The following TMEM132D variants were observed in gnomAD, a reference collection of about 807,000 sequenced individuals.
TMEM132D encodes mature OL transmembrane protein.
A neutral mutation model predicts 62.3 loss-of-function variants in TMEM132D; 21 were observed. That is an observed-to-expected ratio of 0.34 (90% CI 0.24 to 0.49). The LOEUF is 0.49. TMEM132D is among the 20% of genes least tolerant of loss of function. TMEM132D has a pLI of 0.99. For missense variants in TMEM132D, 1,346 were observed against 1,402.8 expected (o/e 0.96, Z 0.65); for synonymous variants, 621 against 575.6 (o/e 1.08, Z -1.13).
At chr12:129,308,027 G>C (rs946314601) in intron 4 of TMEM132D, among the ~76,000 whole-genome samples, 1 of 151,860 alleles carries the variant, frequency 6.6e-6, no homozygotes, top group South Asian at 2.1e-4. Context: ...TCTCTCCTTC[G>C]AGCTTCCAAG....
intron 1 of TMEM132D, among the ~76,000 whole-genome samples, chr12:129,743,335 T>C (rs986534150): frequency 2.0e-5 from 3 of 152,204 alleles, no homozygotes. Context: ...AATTTAATCA[T>C]AGTGGCAGTT....
At chr12:129,584,691 G>A (rs548325996) in intron 2 of TMEM132D, among the ~76,000 whole-genome samples, 31 of 152,328 alleles carry the variant, frequency 2.0e-4, no homozygotes, top group African/African-American at 7.5e-4. Flanking sequence ...GGCTCCACAG[G>A]GCTTGGCTTC....
chr12:129,210,001 G>A (rs1376252705), intron 4 of TMEM132D: 2 of 232,448 alleles, frequency 8.6e-6, no homozygotes, highest in African/African-American at 4.5e-5. Flanking sequence ...AATCCTCATA[G>A]CATCCTGATA....
intron 3 of TMEM132D, among the ~76,000 whole-genome samples, chr12:129,413,374 CTA>C (rs1186023688): frequency 6.6e-6 from 1 of 152,166 alleles, no homozygotes; most frequent in East Asian, 1.9e-4. Context: ...TTGCCTTCTG[CTA>C]TGATTGTGAG....
chr12:129,426,786 C>T (rs921633801), intron 3 of TMEM132D, among the ~76,000 whole-genome samples: 2 of 152,200 alleles, frequency 1.3e-5, no homozygotes, highest in African/African-American at 2.4e-5. Flanking sequence ...AAGAGGAAAA[C>T]CGAGGCACAG....
intron 3 of TMEM132D, among the ~76,000 whole-genome samples, chr12:129,385,622 G>T (rs1871088362): frequency 6.6e-6 from 1 of 152,160 alleles, no homozygotes; most frequent in Non-Finnish European, 1.5e-5. Context: ...GCAAGAATTA[G>T]TTGAAAACAC....
chr12:129,179,206 T>A (rs1187765164), intron 5 of TMEM132D, among the ~76,000 whole-genome samples: 1 of 152,170 alleles, frequency 6.6e-6, no homozygotes, highest in Admixed American at 6.5e-5. Flanking sequence ...AGAAATGGGA[T>A]GGGCAAGGGG....
At chr12:129,531,933 G>A (rs1020702662) in intron 2 of TMEM132D, among the ~76,000 whole-genome samples, 1 of 152,152 alleles carries the variant, frequency 6.6e-6, no homozygotes, top group African/African-American at 2.4e-5. Context: ...GTGTGCCCCT[G>A]TAGTCCTAGC....
intron 1 of TMEM132D, among the ~76,000 whole-genome samples, chr12:129,862,456 G>C (rs1182924706): frequency 6.6e-6 from 1 of 152,210 alleles, no homozygotes; most frequent in Non-Finnish European, 1.5e-5. Flanking sequence ...TCTCTGCACA[G>C]AGCAAACCTG....
chr12:129,401,215 T>C lies in TMEM132D; in HGVS notation c.1116-63398A>G, dbSNP rs116067733. ...ATTCTGCAGATACCCTCAGAGCAGG[T>C]GTTTACATAAACGCAACAGTTACAG... On this transcript the variant is annotated intron_variant, in intron 3 of 8. Transcript: ENST00000422113. 2.8e-3 allele frequency among the ~76,000 whole-genome samples: 434 copies of C among 152,346 alleles called. 1 individual carries two copies. The highest frequency in any genetic ancestry group is 1.0e-2 in the African/African-American group (415 of 41,576).
intron 3 of TMEM132D, among the ~76,000 whole-genome samples, chr12:129,489,229 T>C (rs1432570811): frequency 1.3e-5 from 2 of 152,346 alleles, no homozygotes; most frequent in East Asian, 3.9e-4. Flanking sequence ...CTCTTTTTTC[T>C]CTGTGTCACA....
Position 129,113,784 on chromosome 12 carries a change from C to T in TMEM132D, c.1444-29082G>A, listed in dbSNP as rs142517632. Among the ~76,000 whole-genome samples, 710 of 151,682 alleles carry T rather than the reference C, an allele frequency of 4.7e-3. 1 individual carries two copies. Among genetic ancestry groups the T allele is most frequent in the Non-Finnish European group, 8.1e-3 (550 of 67,890 alleles). On this transcript the variant is annotated intron_variant, in intron 5 of 8. Coordinates refer to ENST00000422113, the MANE Select transcript of TMEM132D (RefSeq NM_133448.3). ...GTGGGAAAGGGCCGGGCTGGGTGGTCTCTGTAGAAGGAGAGCAATACATGG... is the reference window on the plus strand; with the variant it reads ...GTGGGAAAGGGCCGGGCTGGGTGGTTTCTGTAGAAGGAGAGCAATACATGG...
chr12:129,263,432 G>A (rs1022710249), intron 4 of TMEM132D, among the ~76,000 whole-genome samples: 1 of 152,098 alleles, frequency 6.6e-6, no homozygotes, highest in Non-Finnish European at 1.5e-5. Context: ...TATAAAGAAG[G>A]CAAAGAGTTT....
At chr12:129,268,056 T>C (rs1386507264) in intron 4 of TMEM132D, among the ~76,000 whole-genome samples, 1 of 152,156 alleles carries the variant, frequency 6.6e-6, no homozygotes, top group East Asian at 1.9e-4. Flanking sequence ...AAGACTTACA[T>C]GTTAGACCTA....
intron 3 of TMEM132D, among the ~76,000 whole-genome samples, chr12:129,445,577 G>A (rs1241801637): frequency 6.6e-6 from 1 of 152,122 alleles, no homozygotes; most frequent in Non-Finnish European, 1.5e-5. Context: ...GGGAGATGAA[G>A]GAGAGAGGTG....
chr12:129,332,131 A>T (rs934944989), intron 4 of TMEM132D, among the ~76,000 whole-genome samples: 8 of 152,242 alleles, frequency 5.3e-5, no homozygotes, highest in Non-Finnish European at 1.2e-4. Context: ...GGTTACAGAT[A>T]AGCACTTGAT....
In TMEM132D at chr12:129,081,969, C is replaced by T. The variant is rs142791760; in HGVS notation, c.1713G>A (p.Gln571=). The T allele has an allele frequency of 3.0e-5, 49 of 1,614,034 alleles. 1 individual carries two copies. The East Asian group carries it at 8.7e-4, about 29-fold the overall frequency. ...DERRGRGCTL[Q]YQHAMVRVLT... ...GGACCCGCACCATGGCGTGCTGGTA[C>T]TGCAGGGTGCAGCCGCGGCCCCTCC... is the stretch of plus-strand genomic sequence containing the variant. Residue 571 remains glutamine, a synonymous_variant, in exon 7 of 9, where the codon CAG becomes CAA. Transcript: ENST00000422113.
rs76211649 is a variant in TMEM132D, at chr12:129,661,391, G to A, written c.968+38419C>T. On this transcript the variant is annotated intron_variant, in intron 2 of 8. Transcript: ENST00000422113. ...ACTGAAAACCTAATTTTCACAGATC[G>A]CAAAACACATTTCAGAAATGGAAAA... is the stretch of plus-strand genomic sequence containing the variant. Among the ~76,000 whole-genome samples, 406 of 152,294 alleles carry A rather than the reference G, an allele frequency of 2.7e-3. 4 individuals carry two copies. Among genetic ancestry groups the A allele is most frequent in the African/African-American group, 9.3e-3 (385 of 41,570 alleles).
chr12:129,073,883 T>C lies in TMEM132D; in HGVS notation c.3292A>G (p.Asn1098Asp), dbSNP rs1387938555. The C allele has an allele frequency of 6.5e-7, 1 of 1,533,326 alleles. No homozygotes were observed. The highest frequency in any genetic ancestry group is 8.8e-7 in the Non-Finnish European group (1 of 1,142,172). The allele number at this position is 1,533,326 out of a possible 1,614,324, so 95.0% of individuals were successfully genotyped here. Residue 1098 changes from asparagine (N) to aspartate (D), a missense_variant, in exon 9 of 9, where the codon AAT becomes GAT. Coordinates refer to ENST00000422113, the MANE Select transcript of TMEM132D (RefSeq NM_133448.3). The part of the protein sequence containing the change: ...LHNYMERLHE[N>D]V ...GTCTGTGTGTGTCTGGCTTACACAT[T>C]TTCATGTAACCTCTCCATGTAGTTG...
Sources: allele counts gnomAD v4.1 joint callset (sites outside exome capture counted in the v4.1 genomes callset), GRCh38; gene constraint gnomAD v4.1.1; transcripts MANE v1.5; gene names NCBI Gene and HGNC (gene_info 2026-07-23, HGNC 2026-07-21).